Variants in REDIC1 observed in about 807,000 individuals in gnomAD.
REDIC1 encodes the protein HEI10 Interacting Protein 1.
At chr12:39,711,358 T>A in the REDIC1 span, among the ~76,000 whole-genome samples, 2 of 147,246 alleles carry the variant, frequency 1.4e-5, no homozygotes, top group African/African-American at 5.0e-5. Flanking sequence ...TATGTATATA[T>A]ACATATATAC....
the REDIC1 span, chr12:39,757,262 T>C: frequency 6.6e-6 from 1 of 151,880 alleles, no homozygotes; most frequent in Non-Finnish European, 1.5e-5. Context: ...AAAGGAAGTC[T>C]GTAATTTTGG....
At chr12:39,826,824 T>C in the REDIC1 span, among the ~76,000 whole-genome samples, 1 of 150,438 alleles carries the variant, frequency 6.6e-6, no homozygotes, top group Non-Finnish European at 1.5e-5. Context: ...AAATACACTA[T>C]TTCCTTTATT....
At chr12:39,696,577 AAAAT>A in the REDIC1 span, among the ~76,000 whole-genome samples, 1 of 135,598 alleles carries the variant, frequency 7.4e-6, no homozygotes, top group Non-Finnish European at 1.5e-5. Context: ...AAAAAAAAAA[AAAAT>A]AACGCACCAA....
chr12:39,893,268 T>C, the REDIC1 span, among the ~76,000 whole-genome samples: 23 of 152,354 alleles, frequency 1.5e-4, no homozygotes, highest in East Asian at 3.5e-3. Context: ...GTCTATTTTA[T>C]AGAAAACAAA....
the REDIC1 span, among the ~76,000 whole-genome samples, chr12:39,657,177 T>C: frequency 2.0e-5 from 3 of 152,164 alleles, no homozygotes; most frequent in African/African-American, 7.2e-5. Flanking sequence ...TAAAAAAATT[T>C]TTATGCTGTA....
the REDIC1 span, among the ~76,000 whole-genome samples, chr12:39,734,220 G>T: frequency 1.3e-5 from 2 of 152,088 alleles, no homozygotes; most frequent in Non-Finnish European, 2.9e-5. Context: ...GCTTCTGCTC[G>T]CCCTCCATGG....
At chr12:39,652,590 T>A in the REDIC1 span, among the ~76,000 whole-genome samples, 1 of 152,154 alleles carries the variant, frequency 6.6e-6, no homozygotes, top group Non-Finnish European at 1.5e-5. Flanking sequence ...AAAGGTTTAA[T>A]TTGATGAAGT....
chr12:39,789,064 GATA>G, the REDIC1 span, among the ~76,000 whole-genome samples: 7 of 151,988 alleles, frequency 4.6e-5, no homozygotes, highest in African/African-American at 1.7e-4. Flanking sequence ...TTTAAAGAAT[GATA>G]ATAAGATAAT....
the REDIC1 span, among the ~76,000 whole-genome samples, chr12:39,856,774 A>G: frequency 4.3e-4 from 66 of 152,366 alleles, no homozygotes; most frequent in Middle Eastern, 3.4e-3. Flanking sequence ...CTTTTACAAC[A>G]TGATGGGAAA....
the REDIC1 span, among the ~76,000 whole-genome samples, chr12:39,822,191 T>C: frequency 6.6e-6 from 1 of 151,736 alleles, no homozygotes; most frequent in Non-Finnish European, 1.5e-5. Context: ...CTTCTTGCGA[T>C]AGTTTACTGA....
the REDIC1 span, among the ~76,000 whole-genome samples, chr12:39,710,839 T>C: frequency 6.6e-6 from 1 of 151,714 alleles, no homozygotes; most frequent in South Asian, 2.1e-4. Context: ...CTAATAACTA[T>C]CACAGTGCCT....
At chr12:39,759,786 A>AAAT in the REDIC1 span, 2 of 473,564 alleles carry the variant, frequency 4.2e-6, no homozygotes, top group Non-Finnish European at 7.5e-6. Context: ...GGCATTACAC[A>AAAT]CATTTGCTTA....
At chr12:39,841,883 C>G in the REDIC1 span, among the ~76,000 whole-genome samples, 1 of 152,022 alleles carries the variant, frequency 6.6e-6, no homozygotes, top group Non-Finnish European at 1.5e-5. Flanking sequence ...GTATTTGTAG[C>G]TATGAAGATT....
At chr12:39,720,875 A>T in the REDIC1 span, 145 of 1,613,188 alleles carry the variant, frequency 9.0e-5, no homozygotes, top group African/African-American at 1.8e-3. Flanking sequence ...AATAATTTTT[A>T]TGTAGAAAGG....
the REDIC1 span, among the ~76,000 whole-genome samples, chr12:39,857,309 A>C: frequency 1.3e-5 from 2 of 152,230 alleles, no homozygotes; most frequent in Non-Finnish European, 2.9e-5. Flanking sequence ...ACTTGAGAGC[A>C]AAGGAAAGGG....
chr12:39,803,204 C>CA, the REDIC1 span, among the ~76,000 whole-genome samples: 2,425 of 73,600 alleles, frequency 0.033, 72 homozygotes, highest in African/African-American at 0.084. Context: ...GAAGCAAATG[C>CA]AAAAAAAAAA....
the REDIC1 span, among the ~76,000 whole-genome samples, chr12:39,902,197 T>C: frequency 1.4e-5 from 1 of 69,220 alleles, no homozygotes; most frequent in African/African-American, 5.8e-5. Flanking sequence ...TGTTGTGGGG[T>C]GGGGTGGGGG....
the REDIC1 span, among the ~76,000 whole-genome samples, chr12:39,764,127 G>GT: frequency 2.8e-4 from 42 of 151,226 alleles, no homozygotes; most frequent in South Asian, 2.1e-3. Context: ...ACCATTTTCT[G>GT]TTTTTTTTTT....
chr12:39,895,800 ATGCGTG>A, the REDIC1 span, among the ~76,000 whole-genome samples: 29 of 95,756 alleles, frequency 3.0e-4, 9 homozygotes, highest in African/African-American at 1.3e-3. Flanking sequence ...ACACATGTAT[ATGCGTG>A]TATACGTACA....
Sources: gnomAD v4.1 joint callset for allele counts (sites outside exome capture counted in the v4.1 genomes callset) on GRCh38, gnomAD v4.1.1 for gene constraint, MANE v1.5 for transcripts, NCBI Gene and HGNC (gene_info 2026-07-23, HGNC 2026-07-21) for gene names.